The following HADHB variants were observed in gnomAD, a reference collection of about 807,000 sequenced individuals.
The protein encoded by HADHB is trifunctional enzyme subunit beta, mitochondrial.
A neutral mutation model predicts 61.9 loss-of-function variants in HADHB; 50 were observed. That is an observed-to-expected ratio of 0.81 (90% CI 0.64 to 1.02). The LOEUF is 1.02. HADHB is among the 50% of genes least tolerant of loss of function. HADHB has a pLI of 0.00. For synonymous variants in HADHB, 191 were observed against 201.6 expected, an observed-to-expected ratio of 0.95 and a Z score of 0.45; for missense variants, 504 against 586.5, an observed-to-expected ratio of 0.86 and a Z score of 1.45.
chr2:26,275,519 C>T (rs1188943852), intron 6 of HADHB, among the ~76,000 whole-genome samples: 1 of 152,192 alleles, frequency 6.6e-6, no homozygotes, highest in Non-Finnish European at 1.5e-5. Context: ...CATCTAGGGC[C>T]AAGGGCAACA....
chr2:26,263,459 A>G lies in HADHB; in HGVS notation c.189A>G (p.Pro63=). The part of the protein sequence containing the change: ...NVVVVDGVRT[P]FLLSGTSYKD... ...TGGTGGTGGATGGTGTTCGCACTCC[A>G]TTTTTGCTGTCTGGCACTTCGTAAG... The change falls in exon 4 of 16, where the codon CCA becomes CCG. Residue 63 remains proline (P), a synonymous_variant. Transcript: ENST00000317799. 6.2e-7 allele frequency: 1 copy of G among 1,608,250 alleles called. No individual in the cohort carries two copies. Among genetic ancestry groups the G allele is most frequent in the Non-Finnish European group, 8.5e-7 (1 of 1,174,758 alleles).
intron 1 of HADHB, among the ~76,000 whole-genome samples, chr2:26,253,877 T>A (rs1317429041): frequency 5.6e-4 from 84 of 149,326 alleles, no homozygotes; most frequent in African/African-American, 1.4e-3. Flanking sequence ...AATAAATAAA[T>A]AAATAAATAA....
chr2:26,256,165 A>C (rs1228354992), intron 3 of HADHB, among the ~76,000 whole-genome samples: 2 of 152,234 alleles, frequency 1.3e-5, no homozygotes, highest in East Asian at 1.9e-4. Flanking sequence ...AGTAACTTGC[A>C]TTAACGCTGA....
At chr2:26,285,293 A>G (rs971418777) in intron 14 of HADHB, 114 bp from the exon 15 acceptor site, 1 of 855,394 alleles carries the variant, frequency 1.2e-6, no homozygotes, top group Non-Finnish European at 2.0e-6. Context: ...TATTTGTAAT[A>G]TGTCTGACGT....
In HADHB at chr2:26,285,739, G is replaced by GTTTTTTTTTTTTTT. The variant is rs766742523; in HGVS notation, c.1389+173_1389+186dup. ...TCTGATAAAACTTTTTGTTTTTTGGGTTTTTTTTTTTTTTTTTTGAGACAG... is the reference window on the plus strand; with the variant it reads ...TCTGATAAAACTTTTTGTTTTTTGGGTTTTTTTTTTTTTTTTTTTTTTTTTTTTTTTTGAGACAG... On this transcript the variant is annotated intron_variant, in intron 15 of 15. Transcript: ENST00000317799. Among the ~76,000 whole-genome samples, 187 of 65,078 alleles carry GTTTTTTTTTTTTTT rather than the reference G, an allele frequency of 2.9e-3. 44 individuals are homozygous for GTTTTTTTTTTTTTT. Among genetic ancestry groups the GTTTTTTTTTTTTTT allele is most frequent in the African/African-American group, 5.9e-3 (89 of 15,148 alleles). The allele number at this position is 65,078 out of a possible 152,430, so 42.7% of individuals were successfully genotyped here. A position where few individuals can be genotyped will look rare whatever the true frequency, so the allele number is the denominator to read the frequency against.
At chr2:26,287,450 C>T (rs892252037) in intron 15 of HADHB, among the ~76,000 whole-genome samples, 1 of 152,122 alleles carries the variant, frequency 6.6e-6, no homozygotes. Context: ...ACATTACTCA[C>T]GAGCATAGTG....
intron 15 of HADHB, among the ~76,000 whole-genome samples, chr2:26,288,227 T>C (rs1673121759): frequency 6.6e-6 from 1 of 152,068 alleles, no homozygotes; most frequent in Non-Finnish European, 1.5e-5. Flanking sequence ...TTCACGCCAC[T>C]GCACTTTAGC....
At chr2:26,255,321 G>A (rs13388728) in intron 3 of HADHB, among the ~76,000 whole-genome samples, 2,993 of 152,032 alleles carry the variant, frequency 0.02, 102 homozygotes, top group African/African-American at 0.062. Context: ...TCAACATGGC[G>A]AAACCCCATC....
chr2:26,262,423 A>G (rs182552123), intron 3 of HADHB, among the ~76,000 whole-genome samples: 1 of 152,368 alleles, frequency 6.6e-6, no homozygotes, highest in African/African-American at 2.4e-5. Flanking sequence ...GAAAGTATAT[A>G]CACCAAATAA....
chr2:26,259,427 G>A (rs1671770675), intron 3 of HADHB, among the ~76,000 whole-genome samples: 1 of 152,144 alleles, frequency 6.6e-6, no homozygotes, highest in Non-Finnish European at 1.5e-5. Flanking sequence ...TTCCAGGAAC[G>A]TCTTGCATGG....
chr2:26,262,291 G>C (rs1671895725), intron 3 of HADHB, among the ~76,000 whole-genome samples: 1 of 151,948 alleles, frequency 6.6e-6, no homozygotes, highest in Non-Finnish European at 1.5e-5. Context: ...ACAAAAACAA[G>C]AAAATAATGA....
At chr2:26,251,376 CAG>C (rs996530408) in intron 1 of HADHB, among the ~76,000 whole-genome samples, 3 of 151,930 alleles carry the variant, frequency 2.0e-5, no homozygotes, top group Admixed American at 2.0e-4. Flanking sequence ...TTTGTAAAGA[CAG>C]GGTCTCACTA....
rs1671322924 is a variant in HADHB at position 26,249,663 on chromosome 2, T to A, written c.-8-4584T>A. On this transcript the variant is annotated intron_variant, in intron 1 of 15. Coordinates refer to ENST00000317799, the MANE Select transcript of HADHB (RefSeq NM_000183.3). ...TTCTGCTTGTTTGGTGTTAGCTCTATCTTAGCCTAGCTTTGTTAATGTTTG... is the reference window on the plus strand; with the variant it reads ...TTCTGCTTGTTTGGTGTTAGCTCTAACTTAGCCTAGCTTTGTTAATGTTTG... Among the ~76,000 whole-genome samples, 3 of 151,954 alleles carry A rather than the reference T, an allele frequency of 2.0e-5. No homozygotes were observed. In the South Asian group the frequency reaches 6.2e-4, roughly 32 times the overall value.
intron 7 of HADHB, among the ~76,000 whole-genome samples, chr2:26,277,733 G>A (rs1672608422): frequency 6.6e-6 from 1 of 152,174 alleles, no homozygotes; most frequent in African/African-American, 2.4e-5. Flanking sequence ...ATTATCAACT[G>A]GAGGAGTGTA....
chr2:26,263,089 C>G (rs1180493417), intron 3 of HADHB, among the ~76,000 whole-genome samples: 1 of 152,062 alleles, frequency 6.6e-6, no homozygotes, highest in Non-Finnish European at 1.5e-5. Context: ...CACCTGAGGT[C>G]AGGAGTTTGA....
chr2:26,265,404 C>T (rs1294515951), intron 4 of HADHB, among the ~76,000 whole-genome samples: 3 of 152,018 alleles, frequency 2.0e-5, no homozygotes, highest in Admixed American at 6.6e-5. Context: ...GAGACCAGCC[C>T]GGCCAATATG....
At chr2:26,282,223 G>A (rs1410964466) in intron 10 of HADHB, among the ~76,000 whole-genome samples, 1 of 139,442 alleles carries the variant, frequency 7.2e-6, no homozygotes, top group Admixed American at 7.1e-5. Context: ...TTAAATAAGT[G>A]TTTAGTGTTT....
intron 1 of HADHB, among the ~76,000 whole-genome samples, chr2:26,249,521 A>G (rs1183359236): frequency 6.6e-6 from 1 of 152,094 alleles, no homozygotes. Context: ...AAAAAAATAA[A>G]TAAATAAATA....
intron 4 of HADHB, among the ~76,000 whole-genome samples, chr2:26,265,220 A>G (rs1452759294): frequency 6.6e-6 from 1 of 152,192 alleles, no homozygotes; most frequent in Admixed American, 6.5e-5. Flanking sequence ...TCAAGACATG[A>G]AAGTTCTTGG....
Sources: gnomAD v4.1 joint callset for allele counts (sites outside exome capture counted in the v4.1 genomes callset) on GRCh38, gnomAD v4.1.1 for gene constraint, MANE v1.5 for transcripts, NCBI Gene and HGNC (gene_info 2026-07-23, HGNC 2026-07-21) for gene names.